The following DENND5B variants were observed in gnomAD, a reference collection of about 807,000 sequenced individuals.
DENND5B encodes the protein DENN domain-containing protein 5B.
Under a neutral mutation model 140.6 loss-of-function variants are expected in DENND5B, and 34 were observed. The observed-to-expected ratio is 0.24, with a 90% CI of 0.18 to 0.32. DENND5B has a LOEUF of 0.32. Ranked by LOEUF, DENND5B falls within the 10% of genes least tolerant of loss-of-function variation. The pLI is 1.00. For synonymous variants in DENND5B, 551 were observed against 562.1 expected, an observed-to-expected ratio of 0.98 and a Z score of 0.28; for missense variants, 1,142 against 1,560.2, an observed-to-expected ratio of 0.73 and a Z score of 4.52.
At chr12:31,404,088 G>A (rs997663001) in intron 14 of DENND5B, among the ~76,000 whole-genome samples, 1 of 151,676 alleles carries the variant, frequency 6.6e-6, no homozygotes, top group East Asian at 1.9e-4. Flanking sequence ...AGCCAGGTCT[G>A]GTGGTACACA....
At chr12:31,479,502 G>C (rs1231086723) in intron 3 of DENND5B, 87 bp downstream of exon 3, 2 of 1,226,108 alleles carry the variant, frequency 1.6e-6, no homozygotes, top group Non-Finnish European at 2.2e-6. Flanking sequence ...ATCATTATTC[G>C]GTTCTAATAA....
At chr12:31,476,725 T>C (rs950271524) in intron 3 of DENND5B, among the ~76,000 whole-genome samples, 2 of 152,026 alleles carry the variant, frequency 1.3e-5, no homozygotes, top group Non-Finnish European at 2.9e-5. Flanking sequence ...GGCTGCAGTG[T>C]GCTAAGACTG....
intron 1 of DENND5B, among the ~76,000 whole-genome samples, chr12:31,544,806 A>G (rs1948803013): frequency 6.6e-6 from 1 of 152,182 alleles, no homozygotes; most frequent in East Asian, 1.9e-4. Flanking sequence ...ACTATATAAA[A>G]CCACTAATAA....
chr12:31,537,295 AAAC>A (rs1279560366), intron 1 of DENND5B, among the ~76,000 whole-genome samples: 4 of 152,282 alleles, frequency 2.6e-5, no homozygotes, highest in East Asian at 1.9e-4. Context: ...ATATAAATAA[AAAC>A]AACAAAAAGT....
chr12:31,416,570 T>G (rs536887726), intron 11 of DENND5B, among the ~76,000 whole-genome samples: 2 of 151,836 alleles, frequency 1.3e-5, no homozygotes, highest in Admixed American at 1.3e-4. Flanking sequence ...GGCCAGTTAC[T>G]TTCTAGTTAC....
At chr12:31,513,994 C>T (rs117933184) in intron 1 of DENND5B, among the ~76,000 whole-genome samples, 2,703 of 152,186 alleles carry the variant, frequency 0.018, 37 homozygotes, top group Middle Eastern at 0.034. Context: ...TGTGCCACCA[C>T]ACCTGGCTAA....
chr12:31,476,008 C>A (rs1945789753), intron 3 of DENND5B, among the ~76,000 whole-genome samples: 1 of 152,048 alleles, frequency 6.6e-6, no homozygotes, highest in Non-Finnish European at 1.5e-5. Flanking sequence ...CGCCTGTAGT[C>A]CCAGGGACTT....
At chr12:31,540,629 G>T (rs1401340202) in intron 1 of DENND5B, among the ~76,000 whole-genome samples, 1 of 151,856 alleles carries the variant, frequency 6.6e-6, no homozygotes, top group African/African-American at 2.4e-5. Flanking sequence ...ACTCCAGCCT[G>T]GGCGACACAG....
chr12:31,570,337 C>T (rs1230403991), intron 1 of DENND5B, among the ~76,000 whole-genome samples: 1 of 149,396 alleles, frequency 6.7e-6, no homozygotes, highest in East Asian at 2.0e-4. Flanking sequence ...AGTGCAGTGG[C>T]ACGACTTTGG....
chr12:31,417,683 G>A (rs964422522), intron 11 of DENND5B, among the ~76,000 whole-genome samples: 2 of 152,030 alleles, frequency 1.3e-5, no homozygotes, highest in African/African-American at 4.8e-5. Flanking sequence ...ATATAGCAAC[G>A]GCTAAGCAAA....
At chr12:31,582,351 T>A (rs775420375) in intron 1 of DENND5B, among the ~76,000 whole-genome samples, 81 of 152,350 alleles carry the variant, frequency 5.3e-4, no homozygotes, top group Non-Finnish European at 9.8e-4. Flanking sequence ...TCTCAGCTTC[T>A]GACTGTGCAT....
At chr12:31,521,518 T>C (rs929797930) in intron 1 of DENND5B, among the ~76,000 whole-genome samples, 2 of 152,062 alleles carry the variant, frequency 1.3e-5, no homozygotes, top group Non-Finnish European at 2.9e-5. Context: ...AATGAGAAAA[T>C]TGCTGATTGT....
intron 1 of DENND5B, among the ~76,000 whole-genome samples, chr12:31,544,334 T>G (rs1948782149): frequency 6.6e-6 from 1 of 152,238 alleles, no homozygotes; most frequent in Non-Finnish European, 1.5e-5. Flanking sequence ...CATGCTGCAG[T>G]GCAGTGGCAC....
chr12:31,386,729 AT>A lies in DENND5B; in HGVS notation c.*873del, dbSNP rs1297496534. 6 of 152,216 alleles carry A rather than the reference AT, an allele frequency of 3.9e-5. No homozygotes were observed. The highest frequency in any genetic ancestry group is 1.4e-4 in the African/African-American group (6 of 41,460). 9.4% of individuals were successfully genotyped at this position (152,216 alleles called of 1,614,324 possible). A position where few individuals can be genotyped will look rare whatever the true frequency, so the allele number is the denominator to read the frequency against. ...AGAGGTAGACCACTGCACAGTTTAG[AT>A]GGCCAAATTAAAAGTACAGAATCAA... On this transcript the variant is annotated 3_prime_UTR_variant, in exon 21 of 21. Transcript: ENST00000389082.
Position 31,590,873 on chromosome 12 carries a change from G to A in DENND5B, c.-41C>T, listed in dbSNP as rs2139566468. 1 of 1,188,568 alleles carries A rather than the reference G, an allele frequency of 8.4e-7. No individual in the cohort carries two copies. Among genetic ancestry groups the A allele is most frequent in the Non-Finnish European group, 1.0e-6 (1 of 963,086 alleles). 73.6% of individuals were successfully genotyped at this position (1,188,568 alleles called of 1,614,324 possible). On this transcript the variant is annotated 5_prime_UTR_variant, in exon 1 of 21. Coordinates refer to ENST00000389082, the MANE Select transcript of DENND5B (RefSeq NM_144973.4). ...CCAGGGGCCGCCGCCGCCGCCGCCC[G>A]GGAAGGCTTTCTGCGGAGGCTGCCA...
At chr12:31,495,714 T>C in intron 2 of DENND5B, 96 bp downstream of exon 2, 1 of 948,376 alleles carries the variant, frequency 1.1e-6, no homozygotes. Context: ...ATAAATGAAA[T>C]GAAATAAGGT....
intron 7 of DENND5B, among the ~76,000 whole-genome samples, chr12:31,433,609 T>C (rs1943613216): frequency 6.6e-6 from 1 of 152,162 alleles, no homozygotes; most frequent in Non-Finnish European, 1.5e-5. Flanking sequence ...CTTGACTTGC[T>C]CAAAGTAAAT....
chr12:31,557,544 G>C (rs1482533740), intron 1 of DENND5B, among the ~76,000 whole-genome samples: 1 of 151,762 alleles, frequency 6.6e-6, no homozygotes, highest in African/African-American at 2.4e-5. Flanking sequence ...AGCACACTAG[G>C]CTAATTTTTG....
intron 1 of DENND5B, among the ~76,000 whole-genome samples, chr12:31,508,535 G>A (rs986781970): frequency 6.6e-6 from 1 of 152,092 alleles, no homozygotes; most frequent in Non-Finnish European, 1.5e-5. Context: ...TGAGCAAACT[G>A]GGCTAAATAT....
Sources: allele counts gnomAD v4.1 joint callset (sites outside exome capture counted in the v4.1 genomes callset), GRCh38; gene constraint gnomAD v4.1.1; transcripts MANE v1.5; gene names NCBI Gene and HGNC (gene_info 2026-07-23, HGNC 2026-07-21).